Variants in PGS1 observed in about 807,000 individuals in gnomAD.
The protein encoded by PGS1 is phosphatidylglycerophosphate synthase 1.
A neutral mutation model predicts 58.3 loss-of-function variants in PGS1; 44 were observed. The ratio of observed to expected loss-of-function variants is 0.75; its 90% CI spans 0.59 to 0.97. The LOEUF (loss-of-function observed/expected upper bound fraction) is 0.97, where lower values mean the gene tolerates loss of function less well. Ranked by LOEUF, PGS1 falls within the 50% of genes least tolerant of loss-of-function variation. The probability of loss-of-function intolerance (pLI) is 0.00; values close to 1 mark genes in which losing one functional copy is unlikely to be tolerated. For synonymous variants in PGS1, 330 were observed against 311.0 expected, an observed-to-expected ratio of 1.06 and a Z score of -0.64; for missense variants, 684 against 731.1, an observed-to-expected ratio of 0.94 and a Z score of 0.74.
chr17:78,395,621 T>G (rs1309407408), intron 2 of PGS1, among the ~76,000 whole-genome samples: 1 of 152,138 alleles, frequency 6.6e-6, no homozygotes, highest in Non-Finnish European at 1.5e-5. Context: ...TAGGACTGAT[T>G]TGGGGTATCA....
At chr17:78,385,393 A>G (rs968671530) in intron 1 of PGS1, among the ~76,000 whole-genome samples, 7 of 151,480 alleles carry the variant, frequency 4.6e-5, no homozygotes, top group Non-Finnish European at 7.4e-5. Flanking sequence ...AGTTCATGCC[A>G]TTCTCCTGCC....
chr17:78,383,349 C>G (rs1024836677), intron 1 of PGS1, among the ~76,000 whole-genome samples: 6 of 152,068 alleles, frequency 3.9e-5, no homozygotes, highest in African/African-American at 1.4e-4. Flanking sequence ...GCCTCAGCCT[C>G]TCGAGTAGCT....
intron 7 of PGS1, among the ~76,000 whole-genome samples, chr17:78,414,304 C>T (rs149817779): frequency 6.6e-6 from 1 of 152,382 alleles, no homozygotes; most frequent in Non-Finnish European, 1.5e-5. Flanking sequence ...GACAACCCCA[C>T]ATCTGCTGGC....
At chr17:78,387,008 GTGA>G (rs144953706) in intron 1 of PGS1, among the ~76,000 whole-genome samples, 8 of 123,764 alleles carry the variant, frequency 6.5e-5, no homozygotes, top group African/African-American at 8.7e-5. Flanking sequence ...GATGATGATG[GTGA>G]TGATGATTAG....
Position 78,403,825 on chromosome 17 carries a change from G to T in PGS1, c.1138G>T (p.Ala380Ser). The change falls in exon 7 of 10, where the codon GCA (alanine) becomes TCA (serine). Residue 380 changes from alanine (A) to serine (S), a missense_variant. Physicochemically the swap from Ala to Ser is moderately conservative, Grantham distance 99. Coordinates refer to ENST00000262764, the MANE Select transcript of PGS1 (RefSeq NM_024419.5). ...ETLLTEAERG[A>S]KVYLTTGYFN... ...CCTGTTGACTGAGGCGGAGCGCGGG[G>T]CAAAGGTCTACCTCACCACTGGCTA... The T allele has an allele frequency of 6.2e-7, 1 of 1,614,242 alleles. No homozygotes were observed. Among genetic ancestry groups the T allele is most frequent in the Admixed American group, 1.7e-5 (1 of 60,026 alleles).
intron 9 of PGS1, among the ~76,000 whole-genome samples, chr17:78,423,275 C>CCCAG (rs1225376284): frequency 6.6e-6 from 1 of 151,934 alleles, no homozygotes; most frequent in African/African-American, 2.4e-5. Context: ...CCTGCATCAG[C>CCCAG]CCAGCCACAG....
rs528898431 is a variant in PGS1 at position 78,418,761 on chromosome 17, C to A, written c.1552-785C>A. 7.2e-4 allele frequency among the ~76,000 whole-genome samples: 109 copies of A among 152,196 alleles called. 1 individual carries two copies. The South Asian group carries it at 0.022, about 31-fold the overall frequency. The stretch of plus-strand genomic sequence containing the variant: ...GCTCACTCTAGAGGATGACTTGTCC[C>A]CCTTGCCCTCAGCACTAAGCGTTCA... On this transcript the variant is annotated intron_variant, in intron 8 of 9. Transcript: ENST00000262764.
rs1356601920 is a variant in PGS1, at chr17:78,424,604, A to C, written c.*554A>C. 1 of 156,344 alleles carries C rather than the reference A, an allele frequency of 6.4e-6. No individual in the cohort carries two copies. Among genetic ancestry groups the C allele is most frequent in the Non-Finnish European group, 1.4e-5 (1 of 70,830 alleles). The allele number at this position is 156,344 out of a possible 1,614,324, so 9.7% of individuals were successfully genotyped here. A position where few individuals can be genotyped will look rare whatever the true frequency, so the allele number is the denominator to read the frequency against. ...GCTATTATTTCTACTCGCCCTATTTAATGGTGTTTTTATTTCCTGTCTGAA... is the reference window on the plus strand; with the variant it reads ...GCTATTATTTCTACTCGCCCTATTTCATGGTGTTTTTATTTCCTGTCTGAA... On this transcript the variant is annotated 3_prime_UTR_variant, in exon 10 of 10. Transcript: ENST00000262764.
chr17:78,390,326 G>C (rs867437783), intron 1 of PGS1, among the ~76,000 whole-genome samples: 6 of 81,650 alleles, frequency 7.3e-5, no homozygotes, highest in Middle Eastern at 5.6e-3. Flanking sequence ...AGACGGGGGT[G>C]GGGGAGGAAC....
chr17:78,403,734 C>G lies in PGS1; in HGVS notation c.1047C>G (p.Thr349=). The change falls in exon 7 of 10, where the codon ACC becomes ACG. Residue 349 remains threonine, a synonymous_variant. Transcript: ENST00000262764. ...AAGDRRPAPD[T]WIYPLIQMKP... ...GGGATCGCAGACCAGCCCCTGACAC[C>G]TGGATTTATCCGCTGATTCAGATGA... The G allele has an allele frequency of 6.2e-7, 1 of 1,614,224 alleles. No homozygotes were observed. Among genetic ancestry groups the G allele is most frequent in the Non-Finnish European group, 8.5e-7 (1 of 1,180,048 alleles).
rs200751671 is a variant in PGS1 at position 78,392,669 on chromosome 17, A to G, written c.333+4A>G. 7 of 1,612,904 alleles carry G rather than the reference A, an allele frequency of 4.3e-6. No individual in the cohort carries two copies. The highest frequency in any genetic ancestry group is 1.1e-5 in the South Asian group (1 of 91,012). On this transcript the variant is annotated splice_donor_region_variant and intron_variant, in intron 2 of 9. Coordinates refer to ENST00000262764, the MANE Select transcript of PGS1 (RefSeq NM_024419.5). ...AGAGTTTTTCGAGCTCATGAAGGTA[A>G]GTGGTATCTAAAGGAAAGAAGTTTG...
intron 9 of PGS1, 118 bp from the exon 10 acceptor site, chr17:78,423,943 C>T (rs2086236509): frequency 6.2e-7 from 1 of 1,613,860 alleles, no homozygotes; most frequent in African/African-American, 1.3e-5. Flanking sequence ...TGCCAGGATC[C>T]ACTTCGCTGC....
chr17:78,420,855 A>C (rs929522145), intron 9 of PGS1: 1 of 152,200 alleles, frequency 6.6e-6, no homozygotes, highest in Non-Finnish European at 1.5e-5. Context: ...CCGTATTTCT[A>C]AATAACGTGC....
rs1416965755 is a variant in PGS1 at position 78,392,598 on chromosome 17, A to G, written c.266A>G (p.Glu89Gly). 1.9e-6 allele frequency: 3 copies of G among 1,614,146 alleles called. No individual in the cohort carries two copies. The highest frequency in any genetic ancestry group is 2.2e-5 in the East Asian group (1 of 44,890). ...CAGTGGATCAGAAACCTGGTTCCAG[A>G]ATTTGGAGTCTCCAGTTCTCACGTT... Reference protein sequence around the residue: ...RFQWIRNLVPEFGVSSSHVRV... With the variant: ...RFQWIRNLVPGFGVSSSHVRV... The change falls in exon 2 of 10, where the codon GAA becomes GGA. Residue 89 changes from glutamate (E) to glycine (G), a missense_variant. Coordinates refer to ENST00000262764, the MANE Select transcript of PGS1 (RefSeq NM_024419.5).
chr17:78,412,931 C>T (rs1017891374), intron 7 of PGS1, among the ~76,000 whole-genome samples: 2 of 152,034 alleles, frequency 1.3e-5, no homozygotes, highest in African/African-American at 2.4e-5. Context: ...CTTGCCAGCT[C>T]CATGCTCTGG....
chr17:78,422,334 G>A (rs915856143), intron 9 of PGS1, among the ~76,000 whole-genome samples: 1 of 152,090 alleles, frequency 6.6e-6, no homozygotes, highest in Non-Finnish European at 1.5e-5. Flanking sequence ...TTTTCCCTCC[G>A]ATAGCCCTAC....
chr17:78,387,685 G>C (rs12450784), intron 1 of PGS1, among the ~76,000 whole-genome samples: 3 of 149,946 alleles, frequency 2.0e-5, no homozygotes, highest in Non-Finnish European at 4.4e-5. Flanking sequence ...CTGCAGCTTC[G>C]AACACCTGGG....
At chr17:78,419,903 C>T (rs1386585358) in intron 9 of PGS1, 10 of 1,267,504 alleles carry the variant, frequency 7.9e-6, no homozygotes, top group Non-Finnish European at 1.0e-5. Flanking sequence ...CACTAAGTCC[C>T]AAGGCGCCTG....
At chr17:78,398,549 T>C (rs181420448) in intron 4 of PGS1, among the ~76,000 whole-genome samples, 198 bp downstream of exon 4, 175 of 152,304 alleles carry the variant, frequency 1.1e-3, no homozygotes, top group African/African-American at 3.9e-3. Context: ...AAAAACAGCT[T>C]AGGCAGGAGC....
Sources: gnomAD v4.1 joint callset for allele counts (sites outside exome capture counted in the v4.1 genomes callset) on GRCh38, gnomAD v4.1.1 for gene constraint, MANE v1.5 for transcripts, NCBI Gene and HGNC (gene_info 2026-07-23, HGNC 2026-07-21) for gene names.